The following TLN2 variants were observed in gnomAD, a reference collection of about 807,000 sequenced individuals.
TLN2 encodes the protein talin-2.
In TLN2, 118 loss-of-function variants were observed where a neutral mutation model predicts 294.7. The ratio of observed to expected loss-of-function variants is 0.40; its 90% CI spans 0.34 to 0.47. The LOEUF is 0.47. Among genes scored for constraint, TLN2 ranks in the 20% least tolerant of loss-of-function variants. The probability of loss-of-function intolerance (pLI) is 0.84; values close to 1 mark genes in which losing one functional copy is unlikely to be tolerated. For synonymous variants in TLN2, 1,431 were observed against 1,304.5 expected (o/e 1.10, Z -2.09); for missense variants, 3,083 against 3,282.2 (o/e 0.94, Z 1.48).
intron 1 of TLN2, among the ~76,000 whole-genome samples, chr15:62,403,990 T>G (rs958173837): frequency 2.0e-5 from 3 of 152,344 alleles, no homozygotes; most frequent in African/African-American, 2.4e-5. Context: ...CAAGAATGCC[T>G]GGCACATGAT....
intron 1 of TLN2, among the ~76,000 whole-genome samples, chr15:62,557,403 A>T (rs2042667243): frequency 1.3e-5 from 2 of 152,214 alleles, no homozygotes. Context: ...GAGGAAGAGA[A>T]TGACACACAA....
chr15:62,497,661 G>T (rs996324011), intron 1 of TLN2, among the ~76,000 whole-genome samples: 3 of 152,204 alleles, frequency 2.0e-5, no homozygotes, highest in Non-Finnish European at 4.4e-5. Context: ...AGGCCTAGTT[G>T]CAATATGATT....
chr15:62,607,960 G>A (rs1447919577), intron 2 of TLN2, among the ~76,000 whole-genome samples: 1 of 152,132 alleles, frequency 6.6e-6, no homozygotes, highest in Admixed American at 6.5e-5. Flanking sequence ...TTGAATTTGA[G>A]CTGCCAATTA....
chr15:62,427,709 C>A (rs2034792522), intron 1 of TLN2, among the ~76,000 whole-genome samples: 1 of 152,180 alleles, frequency 6.6e-6, no homozygotes. Flanking sequence ...CTCTCTGGGG[C>A]AGTTGGCAGT....
chr15:62,438,594 G>C (rs954240688), intron 1 of TLN2, among the ~76,000 whole-genome samples: 1 of 152,208 alleles, frequency 6.6e-6, no homozygotes. Flanking sequence ...CGTAGCAAGT[G>C]TAAGAGGGAA....
In TLN2 at chr15:62,796,416, A is replaced by G. The variant is rs980203002; in HGVS notation, c.6050+123A>G. On this transcript the variant is annotated intron_variant, in intron 47 of 58. Coordinates refer to ENST00000636159, the MANE Select transcript of TLN2 (RefSeq NM_015059.3). ...ATCTGTTTTGATTTCAACAAGATGC[A>G]CAAGTTGGGAAAGTGAACCATGTAA... 7 of 1,191,286 alleles carry G rather than the reference A, an allele frequency of 5.9e-6. No homozygotes were observed. The African/African-American group carries it at 6.1e-5, about 10-fold the overall frequency. The allele number at this position is 1,191,286 out of a possible 1,614,324, so 73.8% of individuals were successfully genotyped here. A position where few individuals can be genotyped will look rare whatever the true frequency, so the allele number is the denominator to read the frequency against.
chr15:62,612,688 T>C (rs114533323), intron 2 of TLN2, among the ~76,000 whole-genome samples: 2,353 of 152,302 alleles, frequency 0.015, 61 homozygotes, highest in African/African-American at 0.054. Flanking sequence ...AAATAAGCCA[T>C]GTTCTTTGAA....
intron 1 of TLN2, among the ~76,000 whole-genome samples, chr15:62,530,939 A>G (rs547977466): frequency 3.3e-4 from 50 of 152,226 alleles, no homozygotes; most frequent in African/African-American, 1.2e-3. Flanking sequence ...GTTGGGGTCT[A>G]TTATTCATTT....
chr15:62,587,140 T>C (rs572314607), intron 1 of TLN2, among the ~76,000 whole-genome samples: 1 of 152,276 alleles, frequency 6.6e-6, no homozygotes, highest in South Asian at 2.1e-4. Flanking sequence ...GCAGCTGATT[T>C]GAGGAAGGTA....
intron 1 of TLN2, among the ~76,000 whole-genome samples, chr15:62,438,897 G>T (rs995351154): frequency 6.6e-6 from 1 of 152,074 alleles, no homozygotes; most frequent in Non-Finnish European, 1.5e-5. Flanking sequence ...TGCTGGACTC[G>T]GATTAAAGTC....
intron 7 of TLN2, 114 bp downstream of exon 7, chr15:62,653,428 C>A: frequency 7.7e-7 from 1 of 1,299,350 alleles, no homozygotes; most frequent in Non-Finnish European, 1.0e-6. Flanking sequence ...TTTTAAAACT[C>A]TATTTTAAAA....
intron 1 of TLN2, among the ~76,000 whole-genome samples, chr15:62,509,214 A>G (rs1439741692): frequency 6.6e-6 from 1 of 152,222 alleles, no homozygotes; most frequent in Non-Finnish European, 1.5e-5. Context: ...GGAGTGGTTC[A>G]GGATCTTGGA....
At chr15:62,483,766 G>A (rs1363776147) in intron 1 of TLN2, among the ~76,000 whole-genome samples, 2 of 152,196 alleles carry the variant, frequency 1.3e-5, no homozygotes, top group African/African-American at 4.8e-5. Flanking sequence ...TCCCCCAGAT[G>A]TTTTGTTCAA....
At chr15:62,405,001 T>C (rs1318107503) in intron 1 of TLN2, among the ~76,000 whole-genome samples, 1 of 152,176 alleles carries the variant, frequency 6.6e-6, no homozygotes, top group Non-Finnish European at 1.5e-5. Flanking sequence ...AGTTTACTTT[T>C]ATTGTCAGTA....
chr15:62,626,836 A>G (rs571975912), intron 3 of TLN2, among the ~76,000 whole-genome samples: 27 of 152,236 alleles, frequency 1.8e-4, no homozygotes, highest in Non-Finnish European at 2.9e-4. Context: ...AGGTTGACAT[A>G]TGGATGAAAC....
chr15:62,522,289 T>TA (rs34627172), intron 1 of TLN2, among the ~76,000 whole-genome samples: 11,858 of 151,994 alleles, frequency 0.078, 528 homozygotes, highest in Non-Finnish European at 0.097. Context: ...TACCAAGAAA[T>TA]AAAAAAAGAG....
intron 3 of TLN2, among the ~76,000 whole-genome samples, chr15:62,634,455 G>A (rs1039459348): frequency 6.6e-6 from 1 of 152,184 alleles, no homozygotes; most frequent in Non-Finnish European, 1.5e-5. Flanking sequence ...CAACAAACGT[G>A]ACAGTATCTT....
At position 62,657,675 on chromosome 15, in the gene TLN2, T is replaced by TC; in HGVS notation, c.661-94dup. ...TGGGTTGGCTGGCACTGTCCCCTGC[T>TC]CCACAGAGGGTGTACTGGGCCATGG... On this transcript the variant is annotated intron_variant, in intron 8 of 58. Coordinates refer to ENST00000636159, the MANE Select transcript of TLN2 (RefSeq NM_015059.3). 2.7e-6 allele frequency: 4 copies of TC among 1,507,294 alleles called. No individual in the cohort carries two copies. In the South Asian group the frequency reaches 5.6e-5, roughly 21 times the overall value. The allele number at this position is 1,507,294 out of a possible 1,614,324, so 93.4% of individuals were successfully genotyped here. A position where few individuals can be genotyped will look rare whatever the true frequency, so the allele number is the denominator to read the frequency against.
chr15:62,567,076 T>C (rs961683935), intron 1 of TLN2, among the ~76,000 whole-genome samples: 1 of 152,254 alleles, frequency 6.6e-6, no homozygotes, highest in Non-Finnish European at 1.5e-5. Flanking sequence ...AATTTAGTTA[T>C]CTGTTTTTTT....
Sources: allele counts gnomAD v4.1 joint callset (sites outside exome capture counted in the v4.1 genomes callset), GRCh38; gene constraint gnomAD v4.1.1; transcripts MANE v1.5; gene names NCBI Gene and HGNC (gene_info 2026-07-23, HGNC 2026-07-21).